Variants in ZHX2 observed in about 807,000 individuals in gnomAD.
ZHX2 encodes zinc fingers and homeoboxes 2.
ZHX2 carries 6 observed loss-of-function variants against 21.9 expected under a neutral mutation model. The ratio of observed to expected loss-of-function variants is 0.27; its 90% CI spans 0.15 to 0.54. ZHX2 has a LOEUF of 0.54. Ranked by LOEUF, ZHX2 falls within the 20% of genes least tolerant of loss-of-function variation. The pLI, the probability that ZHX2 is intolerant of heterozygous loss-of-function variation, is 0.95. For synonymous variants in ZHX2, 434 were observed against 437.1 expected (o/e 0.99, Z 0.09); for missense variants, 908 against 1,090.7 (o/e 0.83, Z 2.36).
chr8:122,953,364 C>T lies in ZHX2; in HGVS notation c.1854C>T (p.Ser618=), dbSNP rs762150806. 5.1e-5 allele frequency: 82 copies of T among 1,614,020 alleles called. No individual in the cohort carries two copies. The highest frequency in any genetic ancestry group is 5.8e-5 in the Non-Finnish European group (69 of 1,180,056). The change falls in exon 3 of 4, where the codon TCC becomes TCT. Residue 618 remains serine, a synonymous_variant. Coordinates refer to ENST00000314393, the MANE Select transcript of ZHX2 (RefSeq NM_014943.5). This position sits in a 1 kb window ranked among gnomAD's most constrained non-coding sequence, Gnocchi z 4.6. ...CTCTGTCTCGACTCGACCAGCTCTC[C>T]GGTGCCCAGTTAACAAGTTCTCTGC... ...NGALSRLDQL[S]GAQLTSSLPS...
intron 1 of ZHX2, among the ~76,000 whole-genome samples, chr8:122,856,047 C>T (rs1013020806): frequency 6.6e-6 from 1 of 152,210 alleles, no homozygotes; most frequent in Admixed American, 6.5e-5. Flanking sequence ...TTGATTCAGA[C>T]AGGCTTGGGT....
At chr8:122,917,480 C>G (rs1820633476) in intron 2 of ZHX2, among the ~76,000 whole-genome samples, 1 of 152,178 alleles carries the variant, frequency 6.6e-6, no homozygotes, top group African/African-American at 2.4e-5. Flanking sequence ...ATGTTACTTT[C>G]TACCATGGAG....
Position 122,954,015 on chromosome 8 carries a change from C to A in ZHX2, c.2505C>A (p.Gly835=), listed in dbSNP as rs112921289. 18 of 1,597,882 alleles carry A rather than the reference C, an allele frequency of 1.1e-5. No individual in the cohort carries two copies. In the African/African-American group the frequency reaches 1.7e-4, roughly 15 times the overall value. ...SDSDCVPAEA[G]QA Reference sequence around the variant, plus strand: ...CCGACTGCGTCCCTGCAGAGGCTGGCCAGGCCTAGACAGGTAATTCCACCT... The same window carrying A: ...CCGACTGCGTCCCTGCAGAGGCTGGACAGGCCTAGACAGGTAATTCCACCT... Residue 835 remains glycine (G), a synonymous_variant, in exon 3 of 4, where the codon GGC becomes GGA. Transcript: ENST00000314393.
intron 2 of ZHX2, among the ~76,000 whole-genome samples, chr8:122,947,355 A>C (rs1813003739): frequency 6.6e-6 from 1 of 152,138 alleles, no homozygotes; most frequent in Non-Finnish European, 1.5e-5. Flanking sequence ...AATGTCCTTC[A>C]TTGTATTAGA....
rs151250868 is a variant in ZHX2 at position 122,923,227 on chromosome 8, G to A, written c.-219-28065G>A. 2.6e-5 allele frequency among the ~76,000 whole-genome samples: 4 copies of A among 152,376 alleles called. No homozygotes were observed. In the East Asian group the frequency reaches 7.7e-4, roughly 29 times the overall value. On this transcript the variant is annotated intron_variant, in intron 2 of 3. Coordinates refer to ENST00000314393, the MANE Select transcript of ZHX2 (RefSeq NM_014943.5). ...TATTATATCTCACAGTTCTGTGAGT[G>A]AGAAGTTTAGACAGACTGTAGCAGT...
At chr8:122,960,232 G>A (rs994481706) in intron 3 of ZHX2, among the ~76,000 whole-genome samples, 1 of 152,022 alleles carries the variant, frequency 6.6e-6, no homozygotes, top group Non-Finnish European at 1.5e-5. Flanking sequence ...TAAGGTTTAG[G>A]GGACACTCCC....
At chr8:122,887,557 A>C (rs1414568995) in intron 2 of ZHX2, among the ~76,000 whole-genome samples, 1 of 152,168 alleles carries the variant, frequency 6.6e-6, no homozygotes, top group African/African-American at 2.4e-5. Context: ...ATATATACAT[A>C]TATACAAGTG....
intron 2 of ZHX2, among the ~76,000 whole-genome samples, chr8:122,933,431 C>T (rs1344325891): frequency 3.9e-5 from 6 of 151,988 alleles, no homozygotes; most frequent in Non-Finnish European, 8.8e-5. Context: ...TCTGTCTTAG[C>T]AAGATTTTTT....
intron 1 of ZHX2, among the ~76,000 whole-genome samples, chr8:122,787,334 G>A (rs1817417780): frequency 6.6e-6 from 1 of 152,122 alleles, no homozygotes; most frequent in South Asian, 2.1e-4. Context: ...ACTTAGTGGA[G>A]ATTAATCTTG....
intron 1 of ZHX2, among the ~76,000 whole-genome samples, chr8:122,799,066 C>T (rs1481015370): frequency 1.3e-5 from 2 of 152,192 alleles, no homozygotes; most frequent in African/African-American, 4.8e-5. Flanking sequence ...AAAGCTCGCT[C>T]CAGAACAACA....
intron 2 of ZHX2, among the ~76,000 whole-genome samples, chr8:122,880,055 C>T (rs571764945): frequency 3.3e-5 from 5 of 151,564 alleles, no homozygotes; most frequent in South Asian, 2.1e-4. Flanking sequence ...TCACTGCAAC[C>T]TCCACCTCCC....
chr8:122,803,090 CT>C (rs1280879742), intron 1 of ZHX2, among the ~76,000 whole-genome samples: 2 of 151,990 alleles, frequency 1.3e-5, no homozygotes, highest in Non-Finnish European at 2.9e-5. Flanking sequence ...TGAATTGAAA[CT>C]CCCTCCCCAT....
chr8:122,900,194 G>A lies in ZHX2; in HGVS notation c.-220+36655G>A, dbSNP rs150702088. On this transcript the variant is annotated intron_variant, in intron 2 of 3. Coordinates refer to ENST00000314393, the MANE Select transcript of ZHX2 (RefSeq NM_014943.5). ...GGTTAGGTAATTTATAAAGAAAAGA[G>A]GTTTATTTGCTCACAGTTCTGCAGG... Among the ~76,000 whole-genome samples, 512 of 152,300 alleles carry A rather than the reference G, an allele frequency of 3.4e-3. 3 individuals carry two copies. The highest frequency in any genetic ancestry group is 5.6e-3 in the Non-Finnish European group (378 of 68,034).
At chr8:122,836,282 G>A (rs1437748742) in intron 1 of ZHX2, among the ~76,000 whole-genome samples, 1 of 152,130 alleles carries the variant, frequency 6.6e-6, no homozygotes, top group Non-Finnish European at 1.5e-5. Context: ...CTGTTAACAG[G>A]GCTCCCGGGA....
At chr8:122,892,267 G>T (rs1269563125) in intron 2 of ZHX2, among the ~76,000 whole-genome samples, 1 of 152,074 alleles carries the variant, frequency 6.6e-6, no homozygotes, top group East Asian at 1.9e-4. Context: ...GATTCTGTTT[G>T]CATGGAATAT....
intron 2 of ZHX2, among the ~76,000 whole-genome samples, chr8:122,885,270 G>A (rs1043851843): frequency 5.9e-5 from 9 of 152,316 alleles, no homozygotes; most frequent in African/African-American, 2.2e-4. Context: ...CTAGCAGAAT[G>A]ATCTTTGGCA....
intron 1 of ZHX2, among the ~76,000 whole-genome samples, chr8:122,854,840 T>C (rs758307649): frequency 9.2e-5 from 14 of 152,176 alleles, no homozygotes; most frequent in Non-Finnish European, 1.9e-4. Context: ...ATAGTCCCCC[T>C]GTGGGCGTTT....
chr8:122,880,157 A>G (rs1314321589), intron 2 of ZHX2, among the ~76,000 whole-genome samples: 2 of 151,716 alleles, frequency 1.3e-5, no homozygotes, highest in African/African-American at 4.8e-5. Context: ...TATTTTTCGT[A>G]GAGATGGGGT....
chr8:122,862,655 A>C (rs111715209), intron 1 of ZHX2, among the ~76,000 whole-genome samples: 1 of 152,290 alleles, frequency 6.6e-6, no homozygotes, highest in South Asian at 2.1e-4. Flanking sequence ...TCTTTCCCCC[A>C]GCCAAAAGGT....
Sources: gnomAD v4.1 joint callset for allele counts (sites outside exome capture counted in the v4.1 genomes callset) on GRCh38, gnomAD v4.1.1 for gene constraint, Gnocchi (gnomAD v3.1) non-coding constraint, MANE v1.5 for transcripts, NCBI Gene and HGNC (gene_info 2026-07-23, HGNC 2026-07-21) for gene names.